The following MGAT5 variants were observed in gnomAD, a reference collection of about 807,000 sequenced individuals.
MGAT5 encodes the protein alpha-1,6-mannosylglycoprotein 6-beta-N-acetylglucosaminyltransferase.
MGAT5 carries 30 observed loss-of-function variants against 94.3 expected under a neutral mutation model. The observed-to-expected ratio is 0.32, with a 90% confidence interval of 0.24 to 0.43. The LOEUF (loss-of-function observed/expected upper bound fraction) is 0.43. Among genes scored for constraint, MGAT5 ranks in the 20% least tolerant of loss-of-function variants. The probability of loss-of-function intolerance (pLI) is 1.00; values close to 1 mark genes in which losing one functional copy is unlikely to be tolerated. For synonymous variants in MGAT5, 310 were observed against 322.9 expected (o/e 0.96, Z 0.43); for missense variants, 691 against 905.5 (o/e 0.76, Z 3.04).
intron 13 of MGAT5, among the ~76,000 whole-genome samples, chr2:134,426,689 C>A (rs1216533877): frequency 6.6e-6 from 1 of 150,954 alleles, no homozygotes; most frequent in African/African-American, 2.5e-5. Context: ...CTGGAGTCAC[C>A]CATGGGTTGA....
intron 9 of MGAT5, among the ~76,000 whole-genome samples, chr2:134,352,976 C>G (rs62168460): frequency 0.22 from 32,728 of 152,024 alleles, 3,596 homozygotes; most frequent in Middle Eastern, 0.36. Context: ...CCATATGATT[C>G]CACTCGTAAA....
At chr2:134,295,809 T>C (rs1318661516) in intron 2 of MGAT5, among the ~76,000 whole-genome samples, 1 of 152,118 alleles carries the variant, frequency 6.6e-6, no homozygotes, top group African/African-American at 2.4e-5. Flanking sequence ...TGCCTTAATA[T>C]AACAGATACT....
intron 13 of MGAT5, among the ~76,000 whole-genome samples, chr2:134,425,789 A>G (rs559371205): frequency 6.6e-6 from 1 of 152,280 alleles, no homozygotes; most frequent in South Asian, 2.1e-4. Context: ...GGCCAAGAAG[A>G]GAAAATGGAG....
At chr2:134,143,612 G>A (rs1220298592) in intron 1 of MGAT5, among the ~76,000 whole-genome samples, 1 of 152,244 alleles carries the variant, frequency 6.6e-6, no homozygotes, top group Non-Finnish European at 1.5e-5. Flanking sequence ...CATCAGGCAG[G>A]CGCCTGGAAA....
At chr2:134,327,609 C>T (rs1050836879) in intron 4 of MGAT5, among the ~76,000 whole-genome samples, 12 of 152,044 alleles carry the variant, frequency 7.9e-5, no homozygotes, top group South Asian at 2.1e-4. Context: ...AAGAGCATTG[C>T]GCAATTTAAA....
At chr2:134,198,858 T>A (rs977638142) in intron 1 of MGAT5, among the ~76,000 whole-genome samples, 1 of 152,238 alleles carries the variant, frequency 6.6e-6, no homozygotes, top group Non-Finnish European at 1.5e-5. Flanking sequence ...ATATTACAGC[T>A]TAACTTGTAA....
intron 15 of MGAT5, among the ~76,000 whole-genome samples, chr2:134,444,094 C>T (rs932625976): frequency 5.9e-5 from 9 of 152,180 alleles, no homozygotes; most frequent in African/African-American, 2.2e-4. Flanking sequence ...CTCAGTTCTG[C>T]CAGTTTTCTC....
chr2:134,337,335 C>T (rs914129098), intron 5 of MGAT5, among the ~76,000 whole-genome samples: 2 of 152,076 alleles, frequency 1.3e-5, no homozygotes, highest in Admixed American at 6.6e-5. Context: ...ACTAGCTGAG[C>T]GTGGTGGCGA....
intron 1 of MGAT5, among the ~76,000 whole-genome samples, chr2:134,141,319 T>C (rs1445783625): frequency 6.6e-6 from 1 of 152,138 alleles, no homozygotes; most frequent in Non-Finnish European, 1.5e-5. Flanking sequence ...TGGACTGATA[T>C]GGGGGGATGT....
At chr2:134,157,300 C>T (rs1048435977) in intron 1 of MGAT5, among the ~76,000 whole-genome samples, 4 of 152,174 alleles carry the variant, frequency 2.6e-5, no homozygotes, top group Admixed American at 6.5e-5. Context: ...AAAGAGCATA[C>T]GGGGACTCTG....
At chr2:134,163,184 T>C (rs571358734) in intron 1 of MGAT5, among the ~76,000 whole-genome samples, 14 of 152,212 alleles carry the variant, frequency 9.2e-5, no homozygotes, top group Admixed American at 4.6e-4. Context: ...GGGGATGTAT[T>C]GGGGACAGGG....
intron 1 of MGAT5, among the ~76,000 whole-genome samples, chr2:134,142,792 A>G (rs1488911848): frequency 6.6e-6 from 1 of 152,126 alleles, no homozygotes; most frequent in Non-Finnish European, 1.5e-5. Flanking sequence ...TTTGTGGAGA[A>G]GGGGCGGGAT....
At chr2:134,296,328 T>A (rs1230969584) in intron 2 of MGAT5, among the ~76,000 whole-genome samples, 1 of 152,192 alleles carries the variant, frequency 6.6e-6, no homozygotes, top group Non-Finnish European at 1.5e-5. Context: ...ATTAAAGAAA[T>A]GCCGAATATT....
chr2:134,135,690 CAAAAA>C (rs59026836), intron 1 of MGAT5, among the ~76,000 whole-genome samples: 6 of 41,708 alleles, frequency 1.4e-4, no homozygotes, highest in African/African-American at 5.8e-4. Flanking sequence ...GACTCCATCT[CAAAAA>C]AAAAAAAAAA....
chr2:134,332,266 C>G lies in MGAT5; in HGVS notation c.574-3951C>G, dbSNP rs564350540. On this transcript the variant is annotated intron_variant, in intron 4 of 15. Coordinates refer to ENST00000281923, the MANE Select transcript of MGAT5 (RefSeq NM_002410.5). ...TCTAGATCAATGGAACAGAACAGAG[C>G]CCTCAGAAATAATGCCACATATCTA... Among the ~76,000 whole-genome samples the G allele has an allele frequency of 1.7e-3, 258 of 151,958 alleles. 1 individual carries two copies. The highest frequency in any genetic ancestry group is 5.7e-3 in the African/African-American group (234 of 41,400).
At position 134,453,239 on chromosome 2, in the gene MGAT5, T is replaced by G. The variant is rs534941978; in HGVS notation, c.*4392T>G. 1 of 152,314 alleles carries G rather than the reference T, an allele frequency of 6.6e-6. No individual in the cohort carries two copies. The highest frequency in any genetic ancestry group is 1.9e-4 in the East Asian group (1 of 5,186). 9.4% of individuals were successfully genotyped at this position (152,314 alleles called of 1,614,324 possible). ...GAATTACTGGTTTAGAGTAGCCCAG[T>G]TCTCGGCCTACCCTGCTGGTTGGGA... On this transcript the variant is annotated 3_prime_UTR_variant, in exon 16 of 16. Transcript: ENST00000281923.
At chr2:134,131,906 C>G (rs1435395441) in intron 1 of MGAT5, among the ~76,000 whole-genome samples, 1 of 152,158 alleles carries the variant, frequency 6.6e-6, no homozygotes, top group Non-Finnish European at 1.5e-5. Flanking sequence ...TTGTGCTTGC[C>G]GATTTCATCA....
chr2:134,131,480 A>G (rs1012810020), intron 1 of MGAT5, among the ~76,000 whole-genome samples: 36 of 152,138 alleles, frequency 2.4e-4, no homozygotes, highest in African/African-American at 7.7e-4. Flanking sequence ...ACAGTGAGAA[A>G]TGGTAATGGA....
At chr2:134,417,021 T>C (rs1469467840) in intron 12 of MGAT5, among the ~76,000 whole-genome samples, 1 of 152,070 alleles carries the variant, frequency 6.6e-6, no homozygotes, top group East Asian at 1.9e-4. Context: ...TCATTTTGTT[T>C]ATTCAGTTAT....
Sources: gnomAD v4.1 joint callset for allele counts (sites outside exome capture counted in the v4.1 genomes callset) on GRCh38, gnomAD v4.1.1 for gene constraint, MANE v1.5 for transcripts, NCBI Gene and HGNC (gene_info 2026-07-23, HGNC 2026-07-21) for gene names.